The following TMEM116 variants were observed in gnomAD, a reference collection of about 807,000 sequenced individuals.
TMEM116 encodes the protein transmembrane protein 116.
In TMEM116, 38 loss-of-function variants were observed where a neutral mutation model predicts 44.3. That is an observed-to-expected ratio of 0.86 (90% CI 0.66 to 1.12). The LOEUF is 1.12. TMEM116 is among the 50% of genes most tolerant of loss of function. TMEM116 has a pLI of 0.00. For synonymous variants in TMEM116, 132 were observed against 144.8 expected (o/e 0.91, Z 0.64); for missense variants, 354 against 401.7 (o/e 0.88, Z 1.01).
In TMEM116 at chr12:111,970,681, G is replaced by A. The variant is rs1467338856; in HGVS notation, c.210+21077C>T. On this transcript the variant is annotated intron_variant, in intron 4 of 10. Coordinates refer to ENST00000552374, the MANE Select transcript of TMEM116 (RefSeq NM_001193531.2). ...AGCTCACTGCAACCTCTGCCTTCTG[G>A]GTTTACACCATTCTCCTGCCTCAGC... Among the ~76,000 whole-genome samples, 7 of 151,492 alleles carry A rather than the reference G, an allele frequency of 4.6e-5. 1 individual carries two copies. In the South Asian group the frequency reaches 1.0e-3, roughly 23 times the overall value.
In TMEM116 at chr12:112,005,129, T is replaced by A. The variant is rs56401064; in HGVS notation, c.14+128A>T. On this transcript the variant is annotated intron_variant, in intron 2 of 10. Coordinates refer to ENST00000552374, the MANE Select transcript of TMEM116 (RefSeq NM_001193531.2). ...CTTTATTAGTAAGAAAATATCAAGA[T>A]GATAAAGAATATCATTTCTCTTTAA... The A allele has an allele frequency of 4.5e-3, 2,554 of 570,860 alleles. 59 individuals carry two copies. The African/African-American group carries it at 0.045, about 10-fold the overall frequency. 35.4% of individuals were successfully genotyped at this position (570,860 alleles called of 1,614,324 possible). A position where few individuals can be genotyped will look rare whatever the true frequency, so the allele number is the denominator to read the frequency against.
chr12:111,964,590 T>G (rs939296934), intron 4 of TMEM116, among the ~76,000 whole-genome samples: 1 of 152,246 alleles, frequency 6.6e-6, no homozygotes, highest in Non-Finnish European at 1.5e-5. Context: ...TGCTACTTCT[T>G]AAGCCCATTC....
At chr12:111,940,523 G>GTGTATATATATATA (rs1452904726) in intron 5 of TMEM116, among the ~76,000 whole-genome samples, 6 of 104,934 alleles carry the variant, frequency 5.7e-5, no homozygotes, top group East Asian at 1.3e-3. Flanking sequence ...ATATATATGT[G>GTGTATATATATATA]TATATATATA....
At chr12:111,938,956 A>G (rs2072424834) in intron 5 of TMEM116, among the ~76,000 whole-genome samples, 2 of 152,214 alleles carry the variant, frequency 1.3e-5, no homozygotes, top group Admixed American at 6.5e-5. Context: ...ATTAATCAAT[A>G]ATCAGATATT....
chr12:111,933,792 G>A lies in TMEM116; in HGVS notation c.733+94C>T, dbSNP rs1055015019. The A allele has an allele frequency of 4.9e-5, 74 of 1,507,294 alleles. 1 individual carries two copies. In the South Asian group the frequency reaches 8.2e-4, roughly 17 times the overall value. The allele number at this position is 1,507,294 out of a possible 1,614,324, so 93.4% of individuals were successfully genotyped here. ...ATTACAGGTGTGAGCCACTGTGCCCGACCTCAGCCATCCTTCTTAGTGAGA... is the reference window on the plus strand; with the variant it reads ...ATTACAGGTGTGAGCCACTGTGCCCAACCTCAGCCATCCTTCTTAGTGAGA... On this transcript the variant is annotated intron_variant, in intron 9 of 10. Transcript: ENST00000552374.
intron 5 of TMEM116, among the ~76,000 whole-genome samples, chr12:111,941,599 C>G (rs1444239561): frequency 2.0e-5 from 3 of 152,142 alleles, no homozygotes; most frequent in African/African-American, 7.2e-5. Flanking sequence ...CTGAACTAGA[C>G]TGTGAATTAA....
At chr12:111,991,262 C>T (rs1485585684) in intron 4 of TMEM116, among the ~76,000 whole-genome samples, 1 of 147,388 alleles carries the variant, frequency 6.8e-6, no homozygotes, top group Non-Finnish European at 1.5e-5. Context: ...GTGGCTCATG[C>T]CTGTAATCCT....
At position 112,005,608 on chromosome 12, in the gene TMEM116, T is replaced by C. The variant is rs867287461; in HGVS notation, c.-33-305A>G. On this transcript the variant is annotated intron_variant, in intron 1 of 10. Coordinates refer to ENST00000552374, the MANE Select transcript of TMEM116 (RefSeq NM_001193531.2). ...CAGGCACTGAGGCTCATACCTGTAATCCCGACACTTTGAGAGGCTGAGGTA... is the reference window on the plus strand; with the variant it reads ...CAGGCACTGAGGCTCATACCTGTAACCCCGACACTTTGAGAGGCTGAGGTA... The C allele has an allele frequency of 4.9e-6, 4 of 811,034 alleles. No individual in the cohort carries two copies. In the South Asian group the frequency reaches 2.3e-4, roughly 46 times the overall value. 50.2% of individuals were successfully genotyped at this position (811,034 alleles called of 1,614,324 possible).
intron 1 of TMEM116, among the ~76,000 whole-genome samples, chr12:112,010,191 G>A (rs2077773264): frequency 6.6e-6 from 1 of 152,142 alleles, no homozygotes; most frequent in African/African-American, 2.4e-5. Flanking sequence ...TATCTAAAAT[G>A]TTCCTCCTTC....
At chr12:111,943,172 C>G (rs573477577) in intron 5 of TMEM116, 93 bp downstream of exon 5, 6 of 994,012 alleles carry the variant, frequency 6.0e-6, no homozygotes, top group South Asian at 2.7e-5. Flanking sequence ...AATCTGCCCC[C>G]CTCAGCCTCC....
chr12:111,942,813 TGAGA>T (rs947559218), intron 5 of TMEM116, among the ~76,000 whole-genome samples: 9 of 151,694 alleles, frequency 5.9e-5, no homozygotes, highest in African/African-American at 2.2e-4. Flanking sequence ...TATGTGTGTG[TGAGA>T]GAGAGAAGGG....
chr12:111,993,304 G>A, intron 3 of TMEM116: 1 of 476,604 alleles, frequency 2.1e-6, no homozygotes, highest in South Asian at 1.7e-5. Flanking sequence ...ATATTTAATG[G>A]ATTCTCAGTT....
chr12:111,951,192 A>C (rs978100233), intron 4 of TMEM116, among the ~76,000 whole-genome samples: 1 of 152,262 alleles, frequency 6.6e-6, no homozygotes, highest in Non-Finnish European at 1.5e-5. Context: ...TTGTAGAGAA[A>C]AGGAAATGCT....
intron 4 of TMEM116, among the ~76,000 whole-genome samples, chr12:111,955,740 C>T (rs1231622615): frequency 1.3e-5 from 2 of 152,178 alleles, no homozygotes; most frequent in African/African-American, 4.8e-5. Flanking sequence ...ACAGTGGCCG[C>T]ATAAGATTAT....
Position 112,001,242 on chromosome 12 carries a change from A to G in TMEM116, c.78+2558T>C, listed in dbSNP as rs553216869. 2.0e-5 allele frequency among the ~76,000 whole-genome samples: 3 copies of G among 152,368 alleles called. No homozygotes were observed. The South Asian group carries it at 6.2e-4, about 32-fold the overall frequency. ...AAGTCCCAACCCACTGTTATGCCAG[A>G]AAGTCACCTTGGACAGTAGTTTTCA... is the stretch of plus-strand genomic sequence containing the variant. On this transcript the variant is annotated intron_variant, in intron 3 of 10. Coordinates refer to ENST00000552374, the MANE Select transcript of TMEM116 (RefSeq NM_001193531.2).
At chr12:111,966,253 CAG>C (rs1451600073) in intron 4 of TMEM116, among the ~76,000 whole-genome samples, 1 of 152,050 alleles carries the variant, frequency 6.6e-6, no homozygotes, top group African/African-American at 2.4e-5. Context: ...TTGCAGTGAG[CAG>C]AGATTGCACC....
At chr12:111,954,819 G>A (rs986288020) in intron 4 of TMEM116, among the ~76,000 whole-genome samples, 1 of 152,194 alleles carries the variant, frequency 6.6e-6, no homozygotes, top group African/African-American at 2.4e-5. Flanking sequence ...CAGAAGAATA[G>A]CCAAGATTAA....
intron 4 of TMEM116, among the ~76,000 whole-genome samples, chr12:111,969,025 A>C (rs1261731688): frequency 6.7e-6 from 1 of 150,274 alleles, no homozygotes; most frequent in Non-Finnish European, 1.5e-5. Context: ...AAAAGAAAAG[A>C]AAAAAAAGAA....
chr12:111,933,858 T>A, intron 9 of TMEM116, 28 bp downstream of exon 9: 1 of 1,612,732 alleles, frequency 6.2e-7, no homozygotes, highest in Non-Finnish European at 8.5e-7. Context: ...CCCTCTTCAC[T>A]GCCCATCTCT....
Sources: allele counts gnomAD v4.1 joint callset (sites outside exome capture counted in the v4.1 genomes callset), GRCh38; gene constraint gnomAD v4.1.1; transcripts MANE v1.5; gene names NCBI Gene and HGNC (gene_info 2026-07-23, HGNC 2026-07-21).